NFIX: variants seen among roughly 807,000 people sequenced by gnomAD.
The protein encoded by NFIX is nuclear factor 1 X-type.
A neutral mutation model predicts 53.3 loss-of-function variants in NFIX; 2 were observed. The ratio of observed to expected loss-of-function variants is 0.04; its 90% confidence interval spans 0.02 to 0.12. The LOEUF (loss-of-function observed/expected upper bound fraction) is 0.12. Ranked by LOEUF, NFIX falls within the 10% of genes least tolerant of loss-of-function variation. The pLI is 1.00. For missense variants in NFIX, 310 were observed against 674.5 expected, an observed-to-expected ratio of 0.46 and a Z score of 5.99; for synonymous variants, 244 against 289.0, an observed-to-expected ratio of 0.84 and a Z score of 1.58.
intron 8 of NFIX, among the ~76,000 whole-genome samples, chr19:13,086,885 C>A (rs2017809856): frequency 6.6e-6 from 1 of 152,228 alleles, no homozygotes; most frequent in African/African-American, 2.4e-5. Flanking sequence ...CTGGAGACAT[C>A]AAGGGGATGG....
rs1339093823 is a variant in NFIX, at chr19:13,075,060, A to G, written c.819-475A>G. Among the ~76,000 whole-genome samples, 5 of 96,404 alleles carry G rather than the reference A, an allele frequency of 5.2e-5. No homozygotes were observed. The East Asian group carries it at 1.5e-3, about 29-fold the overall frequency. 63.2% of individuals were successfully genotyped at this position (96,404 alleles called of 152,430 possible). A position where few individuals can be genotyped will look rare whatever the true frequency, so the allele number is the denominator to read the frequency against. On this transcript the variant is annotated intron_variant, in intron 5 of 10. Transcript: ENST00000592199. ...ACTCCAGCCTGGGTGACAGAGCGAG[A>G]CTCCATCTAAAAAAAAAAAAAAAAA...
Position 13,073,217 on chromosome 19 carries a change from G to A in NFIX, c.622+108G>A. 1.7e-6 allele frequency: 2 copies of A among 1,157,848 alleles called. No individual in the cohort carries two copies. Among genetic ancestry groups the A allele is most frequent in the Middle Eastern group, 4.0e-4 (2 of 5,002 alleles). The allele number at this position is 1,157,848 out of a possible 1,614,324, so 71.7% of individuals were successfully genotyped here. On this transcript the variant is annotated intron_variant, in intron 3 of 10. Coordinates refer to ENST00000592199, the MANE Select transcript of NFIX (RefSeq NM_001365902.3). The surrounding 1 kb of genome is among the most constrained non-coding windows in gnomAD (Gnocchi z 4.5). ...CTCACTTCTTCCCCTTCATTCAGCT[G>A]TCCCTTGACTGAGCTTAGCTTGCTG... is the stretch of plus-strand genomic sequence containing the variant.
rs907135858 is a variant in NFIX at position 13,093,548 on chromosome 19, A to G, written c.1495-1087A>G. On this transcript the variant is annotated intron_variant, in intron 10 of 10. Transcript: ENST00000592199. This position sits in a 1 kb window ranked among gnomAD's most constrained non-coding sequence, Gnocchi z 4.7. ...AGCCTGCACTGCCCCTTACATTTGA[A>G]CCCTGGCTCTGTTGCCCGAGGGCTG... 1.3e-5 allele frequency among the ~76,000 whole-genome samples: 2 copies of G among 151,954 alleles called. No individual in the cohort carries two copies. Among genetic ancestry groups the G allele is most frequent in the African/African-American group, 4.8e-5 (2 of 41,338 alleles).
Position 13,037,957 on chromosome 19 carries a change from T to C in NFIX, c.559+12405T>C, listed in dbSNP as rs149102806. Reference sequence around the variant, plus strand: ...GAGGGAGAATAAGCAGACCCTGCTGTGCGTGGTCTCTCCTCAGGACGCCTC... The same window carrying C: ...GAGGGAGAATAAGCAGACCCTGCTGCGCGTGGTCTCTCCTCAGGACGCCTC... On this transcript the variant is annotated intron_variant, in intron 2 of 10. Transcript: ENST00000592199. The surrounding 1 kb of genome is among the most constrained non-coding windows in gnomAD (Gnocchi z 4.2). Among the ~76,000 whole-genome samples, 66 of 152,294 alleles carry C rather than the reference T, an allele frequency of 4.3e-4. No homozygotes were observed. The highest frequency in any genetic ancestry group is 1.5e-3 in the African/African-American group (63 of 41,572).
rs2031910803 is a variant in NFIX at position 13,011,985 on chromosome 19, G to C, written c.28-13036G>C. The stretch of plus-strand genomic sequence containing the variant: ...CCATGTCGCGGGCAAAATGGGTGCT[G>C]ACGGTCACTGTCACTTGCATCGCAC... On this transcript the variant is annotated intron_variant, in intron 1 of 10. Transcript: ENST00000592199. This position sits in a 1 kb window ranked among gnomAD's most constrained non-coding sequence, Gnocchi z 6.5. Among the ~76,000 whole-genome samples, 1 of 152,136 alleles carries C rather than the reference G, an allele frequency of 6.6e-6. No homozygotes were observed. The highest frequency in any genetic ancestry group is 1.9e-4 in the East Asian group (1 of 5,180).
Position 13,022,721 on chromosome 19 carries a change from G to GCCAGC in NFIX, c.28-2297_28-2293dup, listed in dbSNP as rs1415718700. ...CCAAGGCCTTCTGGGGCTCCCGCCC[G>GCCAGC]CCAGCCCGCCGGGAGTCAGGCCTTT... On this transcript the variant is annotated intron_variant, in intron 1 of 10. Coordinates refer to ENST00000592199, the MANE Select transcript of NFIX (RefSeq NM_001365902.3). The surrounding 1 kb of genome is among the most constrained non-coding windows in gnomAD (Gnocchi z 4.5). Among the ~76,000 whole-genome samples, 1 of 152,102 alleles carries GCCAGC rather than the reference G, an allele frequency of 6.6e-6. No homozygotes were observed. Among genetic ancestry groups the GCCAGC allele is most frequent in the Non-Finnish European group, 1.5e-5 (1 of 68,004 alleles).
chr19:13,025,443 C>G lies in NFIX; in HGVS notation c.450C>G (p.Leu150=). ...IPLESTDGER[L]YKSPQCSNPG... ...TGGAAAGTACTGATGGGGAGCGGCT[C>G]TACAAGTCGCCTCAGTGCTCGAACC... The change falls in exon 2 of 11, where the codon CTC becomes CTG. Residue 150 remains leucine, a synonymous_variant. Transcript: ENST00000592199. This position sits in a 1 kb window ranked among gnomAD's most constrained non-coding sequence, Gnocchi z 7.5. 1.9e-6 allele frequency: 3 copies of G among 1,614,090 alleles called. No homozygotes were observed. Among genetic ancestry groups the G allele is most frequent in the African/African-American group, 1.3e-5 (1 of 75,068 alleles).
In NFIX at chr19:13,075,681, C is replaced by T. The variant is rs752316060; in HGVS notation, c.955+10C>T. 1.4e-5 allele frequency: 22 copies of T among 1,611,434 alleles called. No homozygotes were observed. The highest frequency in any genetic ancestry group is 4.4e-5 in the South Asian group (4 of 90,818). On this transcript the variant is annotated intron_variant, in intron 6 of 10. Transcript: ENST00000592199. ...AACGATGTGGATGCAGGTATGGGTG[C>T]GGGGGATCCTGACCCAGAGCAAGGG...
chr19:13,076,048 T>C (rs1403093075), intron 6 of NFIX, among the ~76,000 whole-genome samples: 2 of 152,212 alleles, frequency 1.3e-5, no homozygotes, highest in African/African-American at 2.4e-5. Context: ...TCATTCTGTG[T>C]AGGGGATTGT....
chr19:13,091,992 A>C (rs2018171449), intron 10 of NFIX, among the ~76,000 whole-genome samples: 1 of 152,222 alleles, frequency 6.6e-6, no homozygotes, highest in Non-Finnish European at 1.5e-5. Context: ...GGTAGGAGGA[A>C]GGAGTCCCAG....
In NFIX at chr19:13,089,378, C is replaced by T. The variant is rs142218890; in HGVS notation, c.1403-921C>T. Among the ~76,000 whole-genome samples the T allele has an allele frequency of 6.6e-6, 1 of 152,288 alleles. No individual in the cohort carries two copies. The highest frequency in any genetic ancestry group is 1.5e-5 in the Non-Finnish European group (1 of 68,010). On this transcript the variant is annotated intron_variant, in intron 9 of 10. Transcript: ENST00000592199. The surrounding 1 kb of genome is among the most constrained non-coding windows in gnomAD (Gnocchi z 4.8). ...CTGGGGGTGCAGGGCCTGTTCCCTC[C>T]AGCAGGGCTCCATCTGGACAACCTG...
chr19:13,051,531 C>T lies in NFIX; in HGVS notation c.560-21516C>T, dbSNP rs1420353636. ...GATTCCAGCTCTAGTCAGCCAGTGACATCTCCCCCGTACCCAGGCCAGTGA... is the reference window on the plus strand; with the variant it reads ...GATTCCAGCTCTAGTCAGCCAGTGATATCTCCCCCGTACCCAGGCCAGTGA... On this transcript the variant is annotated intron_variant, in intron 2 of 10. Coordinates refer to ENST00000592199, the MANE Select transcript of NFIX (RefSeq NM_001365902.3). This position sits in a 1 kb window ranked among gnomAD's most constrained non-coding sequence, Gnocchi z 5.1. 1.3e-5 allele frequency among the ~76,000 whole-genome samples: 2 copies of T among 152,204 alleles called. No individual in the cohort carries two copies. Among genetic ancestry groups the T allele is most frequent in the African/African-American group, 2.4e-5 (1 of 41,448 alleles).
In NFIX at chr19:12,998,282, ACTCT is replaced by A. The variant is rs140784850; in HGVS notation, c.27+2429_27+2432del. On this transcript the variant is annotated intron_variant, in intron 1 of 10. Transcript: ENST00000592199. The surrounding 1 kb of genome is among the most constrained non-coding windows in gnomAD (Gnocchi z 4.4). ...GCTCCCCCCTCCACTGGCGTCTCGG[ACTCT>A]CTCTCTCTCTGTCTCTCTGGCCTGC... 7.7e-6 allele frequency among the ~76,000 whole-genome samples: 1 copy of A among 130,622 alleles called. No individual in the cohort carries two copies. The highest frequency in any genetic ancestry group is 2.4e-4 in the South Asian group (1 of 4,104). The allele number at this position is 130,622 out of a possible 152,430, so 85.7% of individuals were successfully genotyped here.
chr19:13,036,422 C>G lies in NFIX; in HGVS notation c.559+10870C>G, dbSNP rs2014193837. On this transcript the variant is annotated intron_variant, in intron 2 of 10. Coordinates refer to ENST00000592199, the MANE Select transcript of NFIX (RefSeq NM_001365902.3). The surrounding 1 kb of genome is among the most constrained non-coding windows in gnomAD (Gnocchi z 4.7). ...GGGGCTGTGGAAATGAGAAACCGGACGAGACAGAGAGGGAATCCAGAGAGG... is the reference window on the plus strand; with the variant it reads ...GGGGCTGTGGAAATGAGAAACCGGAGGAGACAGAGAGGGAATCCAGAGAGG... Among the ~76,000 whole-genome samples the G allele has an allele frequency of 2.0e-5, 3 of 151,988 alleles. No individual in the cohort carries two copies. The highest frequency in any genetic ancestry group is 4.4e-5 in the Non-Finnish European group (3 of 67,994).
In NFIX at chr19:12,998,307, C is replaced by A. The variant is rs1188580658; in HGVS notation, c.27+2443C>A. On this transcript the variant is annotated intron_variant, in intron 1 of 10. Transcript: ENST00000592199. This position sits in a 1 kb window ranked among gnomAD's most constrained non-coding sequence, Gnocchi z 4.4. ...ACTCTCTCTCTCTCTGTCTCTCTGG[C>A]CTGCCTCTCTCTCTTTCCCTCTCTC... Among the ~76,000 whole-genome samples the A allele has an allele frequency of 1.3e-5, 2 of 151,910 alleles. No individual in the cohort carries two copies. The highest frequency in any genetic ancestry group is 2.9e-5 in the Non-Finnish European group (2 of 67,968).
At position 13,097,645 on chromosome 19, in the gene NFIX, G is replaced by C. The variant is rs2145554591; in HGVS notation, c.*2996G>C. 6.6e-6 allele frequency: 1 copy of C among 151,846 alleles called. No homozygotes were observed. The highest frequency in any genetic ancestry group is 2.0e-4 in the East Asian group (1 of 5,098). 9.4% of individuals were successfully genotyped at this position (151,846 alleles called of 1,614,324 possible). A position where few individuals can be genotyped will look rare whatever the true frequency, so the allele number is the denominator to read the frequency against. On this transcript the variant is annotated 3_prime_UTR_variant, in exon 11 of 11. Transcript: ENST00000592199. ...TCGCCCCATCCCCGTCCGGGTACGG[G>C]GGCGCGGCAGGGGTCCCCGGCCCCT...
intron 2 of NFIX, among the ~76,000 whole-genome samples, chr19:13,032,561 T>A (rs1384475448): frequency 6.6e-6 from 1 of 152,172 alleles, no homozygotes; most frequent in African/African-American, 2.4e-5. Context: ...TTGAAGGGAT[T>A]CTACTAGCAT....
Position 13,073,178 on chromosome 19 carries a change from C to A in NFIX, c.622+69C>A. The A allele has an allele frequency of 6.9e-7, 1 of 1,454,676 alleles. No individual in the cohort carries two copies. Among genetic ancestry groups the A allele is most frequent in the Non-Finnish European group, 9.7e-7 (1 of 1,034,860 alleles). The allele number at this position is 1,454,676 out of a possible 1,614,324, so 90.1% of individuals were successfully genotyped here. ...CCTCCACTTCCTTCCCCCACCCTGG[C>A]TGCCCTGGCCACCCTCACTTCTTCC... On this transcript the variant is annotated intron_variant, in intron 3 of 10. Coordinates refer to ENST00000592199, the MANE Select transcript of NFIX (RefSeq NM_001365902.3). This position sits in a 1 kb window ranked among gnomAD's most constrained non-coding sequence, Gnocchi z 4.5.
Position 13,073,223 on chromosome 19 carries a change from T to G in NFIX, c.622+114T>G. ...TCTTCCCCTTCATTCAGCTGTCCCT[T>G]GACTGAGCTTAGCTTGCTGTCCTGA... On this transcript the variant is annotated intron_variant, in intron 3 of 10. Transcript: ENST00000592199. This position sits in a 1 kb window ranked among gnomAD's most constrained non-coding sequence, Gnocchi z 4.5. 9.1e-7 allele frequency: 1 copy of G among 1,102,234 alleles called. No homozygotes were observed. Among genetic ancestry groups the G allele is most frequent in the Non-Finnish European group, 1.4e-6 (1 of 716,292 alleles). 68.3% of individuals were successfully genotyped at this position (1,102,234 alleles called of 1,614,324 possible). A position where few individuals can be genotyped will look rare whatever the true frequency, so the allele number is the denominator to read the frequency against.
Sources: allele counts gnomAD v4.1 joint callset (sites outside exome capture counted in the v4.1 genomes callset), GRCh38; gene constraint gnomAD v4.1.1; non-coding constraint Gnocchi (gnomAD v3.1); transcripts MANE v1.5; gene names NCBI Gene and HGNC (gene_info 2026-07-23, HGNC 2026-07-21).